Variants in CHN1 observed in about 807,000 individuals in gnomAD.
CHN1 encodes the protein N-chimaerin.
Under a neutral mutation model 59.5 loss-of-function variants are expected in CHN1, and 37 were observed. That is an observed-to-expected ratio of 0.62 (90% CI 0.48 to 0.82). CHN1 has a LOEUF of 0.82. Among genes scored for constraint, CHN1 ranks in the 40% least tolerant of loss-of-function variants. The probability of loss-of-function intolerance (pLI) is 0.00; values close to 1 mark genes in which losing one functional copy is unlikely to be tolerated. For synonymous variants in CHN1, 206 were observed against 200.4 expected, an observed-to-expected ratio of 1.03 and a Z score of -0.24; for missense variants, 469 against 571.0, an observed-to-expected ratio of 0.82 and a Z score of 1.82.
At chr2:174,813,841 C>T (rs889768160) in intron 8 of CHN1, among the ~76,000 whole-genome samples, 9 of 152,158 alleles carry the variant, frequency 5.9e-5, no homozygotes, top group Non-Finnish European at 1.2e-4. Context: ...GGCAGAAAGA[C>T]GATCCTAATA....
At chr2:174,989,956 T>C (rs1559012834) in intron 1 of CHN1, among the ~76,000 whole-genome samples, 2 of 152,194 alleles carry the variant, frequency 1.3e-5, no homozygotes. Flanking sequence ...CACTGGACTT[T>C]TTCTATTAAG....
intron 5 of CHN1, among the ~76,000 whole-genome samples, chr2:174,902,694 A>T (rs915898080): frequency 6.6e-6 from 1 of 152,224 alleles, no homozygotes; most frequent in Non-Finnish European, 1.5e-5. Context: ...GAGCTATCAG[A>T]TCAAAAGAAC....
chr2:174,845,386 G>A (rs1686473541), intron 7 of CHN1, among the ~76,000 whole-genome samples: 1 of 151,876 alleles, frequency 6.6e-6, no homozygotes, highest in African/African-American at 2.4e-5. Flanking sequence ...ATTTATTTGG[G>A]GTCATTTTCC....
intron 6 of CHN1, 44 bp from the exon 7 acceptor site, chr2:174,847,001 G>A (rs1207863164): frequency 6.4e-7 from 1 of 1,551,748 alleles, no homozygotes; most frequent in Non-Finnish European, 8.7e-7. Context: ...GATTGTCACA[G>A]ACGACTTTGG....
In CHN1 at chr2:175,005,182, G is replaced by C. The variant is rs1272537711; in HGVS notation, c.-270C>G. The C allele has an allele frequency of 7.9e-7, 1 of 1,260,226 alleles. No individual in the cohort carries two copies. The highest frequency in any genetic ancestry group is 3.7e-5 in the East Asian group (1 of 27,270). The allele number at this position is 1,260,226 out of a possible 1,614,324, so 78.1% of individuals were successfully genotyped here. ...GCACTTGTCGCTGCCATCAGGCGCG[G>C]AGCGTGCGCGCGGGAGGAGGTACCT... On this transcript the variant is annotated 5_prime_UTR_variant, in exon 1 of 13. Transcript: ENST00000409900.
intron 1 of CHN1, among the ~76,000 whole-genome samples, chr2:174,993,060 G>A (rs1394116897): frequency 3.9e-5 from 6 of 152,050 alleles, no homozygotes; most frequent in African/African-American, 9.7e-5. Flanking sequence ...AAACTGCTGC[G>A]ATTACAGGCA....
chr2:174,858,598 CT>C (rs1280738088), intron 6 of CHN1, among the ~76,000 whole-genome samples: 1 of 152,100 alleles, frequency 6.6e-6, no homozygotes, highest in Non-Finnish European at 1.5e-5. Context: ...AAGTAGCTTG[CT>C]TTTGGGCATT....
At chr2:174,803,305 T>C (rs1684786840) in intron 11 of CHN1, among the ~76,000 whole-genome samples, 1 of 152,190 alleles carries the variant, frequency 6.6e-6, no homozygotes, top group Non-Finnish European at 1.5e-5. Context: ...AACTGAACAA[T>C]GACTGAAGCT....
chr2:174,839,070 A>C (rs1044138680), intron 7 of CHN1, among the ~76,000 whole-genome samples: 2 of 152,112 alleles, frequency 1.3e-5, no homozygotes, highest in African/African-American at 4.8e-5. Context: ...TTAATTGATA[A>C]ATAAAAATTA....
intron 1 of CHN1, among the ~76,000 whole-genome samples, chr2:174,973,248 CA>C (rs1207633370): frequency 6.6e-6 from 1 of 152,162 alleles, no homozygotes; most frequent in Non-Finnish European, 1.5e-5. Context: ...ATATGATATG[CA>C]GAACTATCAT....
At chr2:174,853,932 G>C (rs1686822535) in intron 6 of CHN1, among the ~76,000 whole-genome samples, 1 of 152,148 alleles carries the variant, frequency 6.6e-6, no homozygotes, top group African/African-American at 2.4e-5. Flanking sequence ...TAGATACTGT[G>C]AGCTACTAGA....
chr2:174,910,755 C>T (rs1261694371), intron 5 of CHN1, among the ~76,000 whole-genome samples: 1 of 152,016 alleles, frequency 6.6e-6, no homozygotes, highest in East Asian at 1.9e-4. Context: ...TCAAAATTAG[C>T]CGGGCGCAGT....
At chr2:174,927,649 A>AT (rs1689216583) in intron 3 of CHN1, among the ~76,000 whole-genome samples, 1 of 152,220 alleles carries the variant, frequency 6.6e-6, no homozygotes, top group African/African-American at 2.4e-5. Context: ...TAGTCCAAAA[A>AT]AAACCACAAC....
intron 6 of CHN1, among the ~76,000 whole-genome samples, chr2:174,873,329 A>G (rs1318912282): frequency 2.0e-5 from 3 of 152,190 alleles, no homozygotes; most frequent in Non-Finnish European, 4.4e-5. Context: ...TAGCTTGAGC[A>G]TGAACAAGGA....
chr2:174,918,157 T>C (rs1272556144), intron 4 of CHN1, among the ~76,000 whole-genome samples: 1 of 152,022 alleles, frequency 6.6e-6, no homozygotes, highest in South Asian at 2.1e-4. Context: ...ATCTGAAAAA[T>C]AAAAATATAT....
chr2:174,885,186 A>T (rs1687858592), intron 5 of CHN1, among the ~76,000 whole-genome samples: 1 of 151,388 alleles, frequency 6.6e-6, no homozygotes, highest in Non-Finnish European at 1.5e-5. Context: ...GAGACAGGAG[A>T]ATCGCTTGAA....
chr2:174,938,567 A>C (rs1478713315), intron 3 of CHN1, among the ~76,000 whole-genome samples: 4 of 152,302 alleles, frequency 2.6e-5, no homozygotes, highest in African/African-American at 9.6e-5. Flanking sequence ...AAACAGAAAA[A>C]CATTGAACAA....
intron 1 of CHN1, among the ~76,000 whole-genome samples, chr2:174,986,439 A>G (rs1000776066): frequency 6.6e-6 from 1 of 152,228 alleles, no homozygotes; most frequent in Non-Finnish European, 1.5e-5. Flanking sequence ...AAGAGTTAAG[A>G]TACATAGTAT....
At chr2:174,841,799 T>C (rs1400211150) in intron 7 of CHN1, among the ~76,000 whole-genome samples, 1 of 152,198 alleles carries the variant, frequency 6.6e-6, no homozygotes, top group Non-Finnish European at 1.5e-5. Context: ...GAGGCAATGA[T>C]GAGAGACATT....
Sources: allele counts gnomAD v4.1 joint callset (sites outside exome capture counted in the v4.1 genomes callset), GRCh38; gene constraint gnomAD v4.1.1; transcripts MANE v1.5; gene names NCBI Gene and HGNC (gene_info 2026-07-23, HGNC 2026-07-21).